The following ASTN2 variants were observed in gnomAD, a reference collection of about 807,000 sequenced individuals.
ASTN2 encodes astrotactin-2.
A neutral mutation model predicts 139.8 loss-of-function variants in ASTN2; 54 were observed. That is an observed-to-expected ratio of 0.39 (90% confidence interval 0.31 to 0.48). The LOEUF (loss-of-function observed/expected upper bound fraction) is 0.48. Among genes scored for constraint, ASTN2 ranks in the 20% least tolerant of loss-of-function variants. The probability of loss-of-function intolerance (pLI) is 0.95; values close to 1 mark genes in which losing one functional copy is unlikely to be tolerated. For synonymous variants in ASTN2, 756 were observed against 719.5 expected, an observed-to-expected ratio of 1.05 and a Z score of -0.81; for missense variants, 1,565 against 1,725.1, an observed-to-expected ratio of 0.91 and a Z score of 1.64.
At chr9:117,307,137 T>C (rs1835021273) in intron 1 of ASTN2, among the ~76,000 whole-genome samples, 1 of 152,222 alleles carries the variant, frequency 6.6e-6, no homozygotes, top group African/African-American at 2.4e-5. Context: ...CACCCATTTA[T>C]ATGTCTGTTC....
chr9:116,488,095 A>G (rs897893897), intron 19 of ASTN2, among the ~76,000 whole-genome samples: 1 of 152,222 alleles, frequency 6.6e-6, no homozygotes, highest in African/African-American at 2.4e-5. Flanking sequence ...CAGGATGTAC[A>G]TGATGTCATG....
At chr9:116,451,798 C>G (rs917004962) in intron 20 of ASTN2, among the ~76,000 whole-genome samples, 6 of 149,368 alleles carry the variant, frequency 4.0e-5, no homozygotes, top group African/African-American at 1.5e-4. Context: ...GTGAATAAGA[C>G]AGTGGATTTA....
chr9:116,991,297 C>G (rs914252005), intron 7 of ASTN2, among the ~76,000 whole-genome samples: 2 of 152,174 alleles, frequency 1.3e-5, no homozygotes, highest in South Asian at 4.1e-4. Flanking sequence ...AGACTCCCTA[C>G]AGGCAGTATC....
intron 10 of ASTN2, among the ~76,000 whole-genome samples, chr9:116,972,933 T>C (rs1262646240): frequency 6.6e-6 from 1 of 152,240 alleles, no homozygotes; most frequent in African/African-American, 2.4e-5. Context: ...CTATCTATAA[T>C]TATGATCTAT....
chr9:117,398,766 C>G (rs1299208380), intron 1 of ASTN2, among the ~76,000 whole-genome samples: 1 of 152,176 alleles, frequency 6.6e-6, no homozygotes, highest in Non-Finnish European at 1.5e-5. Context: ...TAATGTGTTA[C>G]AACAACCTTG....
At chr9:117,261,709 G>T (rs1451828795) in intron 2 of ASTN2, among the ~76,000 whole-genome samples, 4 of 152,130 alleles carry the variant, frequency 2.6e-5, no homozygotes, top group Non-Finnish European at 4.4e-5. Context: ...GACTGGAAAT[G>T]TATCACTCAA....
At position 116,946,936 on chromosome 9, in the gene ASTN2, C is replaced by CAAAAAAAA. The variant is rs3983292; in HGVS notation, c.1889+28264_1889+28271dup. Among the ~76,000 whole-genome samples the CAAAAAAAA allele has an allele frequency of 5.5e-5, 7 of 127,932 alleles. 1 individual carries two copies. The highest frequency in any genetic ancestry group is 1.2e-4 in the African/African-American group (4 of 32,636). The allele number at this position is 127,932 out of a possible 152,430, so 83.9% of individuals were successfully genotyped here. Reference sequence around the variant, plus strand: ...AGTGGCCACAAGTACACATTTTTGTCAAAAAAAAAAAAAAACAACCCAGAT... The same window carrying CAAAAAAAA: ...AGTGGCCACAAGTACACATTTTTGTCAAAAAAAAAAAAAAAAAAAAAAACAACCCAGAT... On this transcript the variant is annotated intron_variant, in intron 10 of 22. Transcript: ENST00000313400.
chr9:116,541,532 C>G (rs1851877396), intron 19 of ASTN2, among the ~76,000 whole-genome samples: 1 of 152,116 alleles, frequency 6.6e-6, no homozygotes, highest in Admixed American at 6.5e-5. Context: ...AAACTTAACC[C>G]AAGGTGATCC....
intron 12 of ASTN2, among the ~76,000 whole-genome samples, chr9:116,813,011 T>C (rs1315521312): frequency 2.6e-5 from 4 of 152,084 alleles, no homozygotes; most frequent in African/African-American, 9.7e-5. Context: ...TATTTAGTTG[T>C]TGGGTTTTTT....
chr9:117,072,923 CAA>C (rs1828174671), intron 5 of ASTN2, among the ~76,000 whole-genome samples: 1 of 151,208 alleles, frequency 6.6e-6, no homozygotes, highest in Admixed American at 6.6e-5. Context: ...GCAGGTAAGG[CAA>C]AAGAGTTAAG....
intron 20 of ASTN2, among the ~76,000 whole-genome samples, chr9:116,483,934 C>T (rs1040086512): frequency 6.6e-6 from 1 of 152,206 alleles, no homozygotes; most frequent in Admixed American, 6.5e-5. Context: ...CCTTCACTCT[C>T]CTGCCACCTG....
At chr9:116,853,399 GAGA>G (rs973164687) in intron 11 of ASTN2, among the ~76,000 whole-genome samples, 1 of 152,156 alleles carries the variant, frequency 6.6e-6, no homozygotes, top group Non-Finnish European at 1.5e-5. Flanking sequence ...CAGAGCTAAG[GAGA>G]AGGTGTCTGA....
At chr9:116,527,735 G>T (rs930127299) in intron 19 of ASTN2, among the ~76,000 whole-genome samples, 2 of 152,144 alleles carry the variant, frequency 1.3e-5, no homozygotes, top group African/African-American at 4.8e-5. Flanking sequence ...TTGATGGGAG[G>T]TGATTGGGTC....
intron 5 of ASTN2, among the ~76,000 whole-genome samples, chr9:117,062,381 G>A (rs959887087): frequency 2.0e-5 from 3 of 152,130 alleles, no homozygotes; most frequent in African/African-American, 7.2e-5. Flanking sequence ...TAACCTTATT[G>A]AGCAAGTGCA....
At chr9:117,276,523 C>G (rs752111206) in intron 2 of ASTN2, among the ~76,000 whole-genome samples, 1 of 152,202 alleles carries the variant, frequency 6.6e-6, no homozygotes, top group Non-Finnish European at 1.5e-5. Context: ...ATTTCACTCC[C>G]TATTAAGGAA....
intron 10 of ASTN2, among the ~76,000 whole-genome samples, chr9:116,930,332 C>A (rs1335555635): frequency 6.6e-6 from 1 of 152,290 alleles, no homozygotes; most frequent in Admixed American, 6.5e-5. Flanking sequence ...CTGACCTGGA[C>A]TCTGAATGAC....
chr9:116,506,684 C>T (rs1234504862), intron 19 of ASTN2, among the ~76,000 whole-genome samples: 1 of 152,104 alleles, frequency 6.6e-6, no homozygotes, highest in Non-Finnish European at 1.5e-5. Flanking sequence ...TCTCCAACCC[C>T]CCAAAAAGTC....
intron 1 of ASTN2, among the ~76,000 whole-genome samples, chr9:117,353,309 G>T (rs746835012): frequency 6.6e-6 from 1 of 152,026 alleles, no homozygotes; most frequent in South Asian, 2.1e-4. Context: ...GATTTAGTGC[G>T]GTGCTGTCCA....
At position 116,654,565 on chromosome 9, in the gene ASTN2, A is replaced by G. The variant is rs977785933; in HGVS notation, c.2807-2772T>C. On this transcript the variant is annotated intron_variant, in intron 16 of 22. Coordinates refer to ENST00000313400, the MANE Select transcript of ASTN2 (RefSeq NM_001365068.1). ...CTTCATAAAATGGATTTCAAAAACTATTGAAAGAACACACTGGTATGCTGA... is the reference window on the plus strand; with the variant it reads ...CTTCATAAAATGGATTTCAAAAACTGTTGAAAGAACACACTGGTATGCTGA... 5.3e-5 allele frequency among the ~76,000 whole-genome samples: 8 copies of G among 152,346 alleles called. No individual in the cohort carries two copies. In the South Asian group the frequency reaches 6.2e-4, roughly 12 times the overall value.
Sources: gnomAD v4.1 joint callset for allele counts (sites outside exome capture counted in the v4.1 genomes callset) on GRCh38, gnomAD v4.1.1 for gene constraint, MANE v1.5 for transcripts, NCBI Gene and HGNC (gene_info 2026-07-23, HGNC 2026-07-21) for gene names.